KLRB1: variants seen among roughly 807,000 people sequenced by gnomAD.
KLRB1 encodes the protein killer cell lectin like receptor B1.
Under a neutral mutation model 33.5 loss-of-function variants are expected in KLRB1, and 27 were observed. The ratio of observed to expected loss-of-function variants is 0.81; its 90% confidence interval spans 0.59 to 1.11. KLRB1 has a LOEUF of 1.11. KLRB1 is among the 50% of genes most tolerant of loss of function. The pLI is 0.00. For missense variants in KLRB1, 241 were observed against 254.1 expected, an observed-to-expected ratio of 0.95 and a Z score of 0.35; for synonymous variants, 64 against 88.9, an observed-to-expected ratio of 0.72 and a Z score of 1.58.
chr12:9,596,612 A>G (rs118028260), intron 5 of KLRB1, among the ~76,000 whole-genome samples: 2,927 of 152,304 alleles, frequency 0.019, 37 homozygotes, highest in African/African-American at 0.037. Context: ...CCTGATCACT[A>G]TTATCTTAAA....
At chr12:9,599,715 A>T (rs897229911) in intron 3 of KLRB1, 52 bp downstream of exon 3, 2 of 1,094,420 alleles carry the variant, frequency 1.8e-6, no homozygotes, top group African/African-American at 3.1e-5. Context: ...TAACACATGA[A>T]ATCTACCAAA....
intron 1 of KLRB1, 188 bp downstream of exon 1, chr12:9,607,567 A>G: frequency 1.9e-6 from 1 of 533,912 alleles, no homozygotes; most frequent in Non-Finnish European, 3.4e-6. Flanking sequence ...GAAAAAAATA[A>G]ATGTATGAGG....
At chr12:9,601,627 A>AACAC in intron 1 of KLRB1, 28 bp from the exon 2 acceptor site, 1 of 1,466,824 alleles carries the variant, frequency 6.8e-7, no homozygotes, top group Non-Finnish European at 9.5e-7. Flanking sequence ...AAAACACAAA[A>AACAC]ACAAACAAAC....
chr12:9,607,865 A>G lies in KLRB1; in HGVS notation c.-26T>C, dbSNP rs1168471591. 1 of 1,521,926 alleles carries G rather than the reference A, an allele frequency of 6.6e-7. No homozygotes were observed. The highest frequency in any genetic ancestry group is 1.7e-4 in the Middle Eastern group (1 of 5,862). 94.3% of individuals were successfully genotyped at this position (1,521,926 alleles called of 1,614,324 possible). ...GGCAGACAGAGGAAGGTGGCATTAA[A>G]CTTGTGTGTAAGAACAAACTCTCAA... On this transcript the variant is annotated 5_prime_UTR_variant, in exon 1 of 6. Coordinates refer to ENST00000229402, the MANE Select transcript of KLRB1 (RefSeq NM_002258.3).
rs777171431 is a variant in KLRB1 at position 9,607,572 on chromosome 12, A to T, written c.85+183T>A. On this transcript the variant is annotated intron_variant, in intron 1 of 5. Transcript: ENST00000229402. ...TAACTTGATTGAAAAAAATAAATGT[A>T]TGAGGTTTAAATTTTTTTTCCCAAA... The T allele has an allele frequency of 2.3e-4, 125 of 544,300 alleles. No individual in the cohort carries two copies. The East Asian group carries it at 3.7e-3, about 16-fold the overall frequency. 33.7% of individuals were successfully genotyped at this position (544,300 alleles called of 1,614,324 possible).
intron 5 of KLRB1, among the ~76,000 whole-genome samples, chr12:9,597,259 T>C (rs895540094): frequency 6.6e-6 from 1 of 152,192 alleles, no homozygotes; most frequent in African/African-American, 2.4e-5. Context: ...ACTCATTAAA[T>C]ATAACTGTTT....
intron 1 of KLRB1, among the ~76,000 whole-genome samples, chr12:9,607,409 C>CT (rs1391289422): frequency 0.1 from 8,433 of 83,812 alleles, 522 homozygotes; most frequent in South Asian, 0.15. Flanking sequence ...TCTTTCTTTT[C>CT]TTTCTTTCTT....
intron 1 of KLRB1, chr12:9,606,264 CAGTT>C (rs1864597319): frequency 6.6e-6 from 1 of 152,096 alleles, no homozygotes; most frequent in South Asian, 2.1e-4. Context: ...ATAGTAAATT[CAGTT>C]AGATATCAGA....
chr12:9,602,421 TAAAG>T (rs1002864320), intron 1 of KLRB1, among the ~76,000 whole-genome samples: 23 of 151,972 alleles, frequency 1.5e-4, no homozygotes, highest in Non-Finnish European at 2.4e-4. Context: ...AGAAAAAAAA[TAAAG>T]AGAGATTTAT....
At chr12:9,601,436 A>T (rs1030696411) in intron 2 of KLRB1, 65 bp downstream of exon 2, 65 of 1,221,504 alleles carry the variant, frequency 5.3e-5, no homozygotes, top group Non-Finnish European at 7.4e-5. Flanking sequence ...CCCTACAGAG[A>T]TGCTCTAAGA....
chr12:9,606,712 ATATAAAATATATGTATAAAAAG>A (rs1864605822), intron 1 of KLRB1, among the ~76,000 whole-genome samples: 8 of 38,682 alleles, frequency 2.1e-4, no homozygotes, highest in African/African-American at 9.3e-4. Context: ...TATATAAAAT[ATATAAAATATATGTATAAAAAG>A]TATATATATA....
intron 5 of KLRB1, 136 bp downstream of exon 5, chr12:9,597,910 C>T (rs368342255): frequency 1.8e-6 from 1 of 557,362 alleles, no homozygotes; most frequent in African/African-American, 2.0e-5. Context: ...TGAAATCATC[C>T]ATGTTCTTAG....
intron 1 of KLRB1, among the ~76,000 whole-genome samples, chr12:9,605,458 A>G (rs1409574845): frequency 6.6e-6 from 1 of 152,180 alleles, no homozygotes; most frequent in African/African-American, 2.4e-5. Context: ...AACTCTATGA[A>G]GGAAAATAAT....
intron 1 of KLRB1, among the ~76,000 whole-genome samples, chr12:9,606,782 A>T (rs1864611443): frequency 2.0e-5 from 2 of 100,364 alleles, no homozygotes; most frequent in Non-Finnish European, 4.1e-5. Context: ...TTTTTGAGAT[A>T]GTCTTGCTGT....
At chr12:9,600,864 G>A (rs60860451) in intron 2 of KLRB1, among the ~76,000 whole-genome samples, 1 of 151,746 alleles carries the variant, frequency 6.6e-6, no homozygotes, top group Non-Finnish European at 1.5e-5. Flanking sequence ...AGACCTGACC[G>A]TCCCCCAGCC....
chr12:9,606,107 T>C (rs1343474566), intron 1 of KLRB1, among the ~76,000 whole-genome samples: 3 of 152,208 alleles, frequency 2.0e-5, no homozygotes, highest in South Asian at 2.1e-4. Context: ...TGAAACTTAA[T>C]TGACGGCTCT....
At chr12:9,603,446 T>G (rs1017823337) in intron 1 of KLRB1, among the ~76,000 whole-genome samples, 57 of 152,086 alleles carry the variant, frequency 3.7e-4, no homozygotes, top group African/African-American at 1.3e-3. Flanking sequence ...TTTATTTATT[T>G]TTGAGACGGA....
At chr12:9,597,600 A>G (rs16934974) in intron 5 of KLRB1, among the ~76,000 whole-genome samples, 9,905 of 152,084 alleles carry the variant, frequency 0.065, 1,053 homozygotes, top group African/African-American at 0.22. Flanking sequence ...TTTTGTCACA[A>G]CGTGGGTGTC....
intron 5 of KLRB1, among the ~76,000 whole-genome samples, chr12:9,595,630 A>C (rs1864485308): frequency 6.6e-6 from 1 of 152,188 alleles, no homozygotes; most frequent in Non-Finnish European, 1.5e-5. Flanking sequence ...TCATTGGAAA[A>C]GAATCCCTCT....
Sources: allele counts gnomAD v4.1 joint callset (sites outside exome capture counted in the v4.1 genomes callset), GRCh38; gene constraint gnomAD v4.1.1; transcripts MANE v1.5; gene names NCBI Gene and HGNC (gene_info 2026-07-23, HGNC 2026-07-21).